The following MAT2A variants were observed in gnomAD, a reference collection of about 807,000 sequenced individuals.
The protein encoded by MAT2A is methionine adenosyltransferase 2A.
A neutral mutation model predicts 43.9 loss-of-function variants in MAT2A; 3 were observed. The observed-to-expected ratio is 0.07, with a 90% CI of 0.03 to 0.18. The LOEUF (loss-of-function observed/expected upper bound fraction) is 0.18. MAT2A is among the 10% of genes least tolerant of loss of function. The probability of loss-of-function intolerance (pLI) is 1.00; values close to 1 mark genes in which losing one functional copy is unlikely to be tolerated. For missense variants in MAT2A, 204 were observed against 489.0 expected (o/e 0.42, Z 5.50); for synonymous variants, 200 against 168.4 (o/e 1.19, Z -1.45).
In MAT2A at chr2:85,544,989, C is replaced by T. The variant is rs538854890; in HGVS notation, c.*1217C>T. 1 of 152,292 alleles carries T rather than the reference C, an allele frequency of 6.6e-6. No homozygotes were observed. Among genetic ancestry groups the T allele is most frequent in the South Asian group, 2.1e-4 (1 of 4,814 alleles). The allele number at this position is 152,292 out of a possible 1,614,324, so 9.4% of individuals were successfully genotyped here. A position where few individuals can be genotyped will look rare whatever the true frequency, so the allele number is the denominator to read the frequency against. On this transcript the variant is annotated 3_prime_UTR_variant, in exon 9 of 9. Transcript: ENST00000306434. ...GATTCCTTTAACAACATGTTTCCAG[C>T]ATTCCCAGGTAGGCCAAGGTGTCCT...
In MAT2A at chr2:85,539,253, C is replaced by G. The variant is rs780678816; in HGVS notation, c.-35C>G. 161 of 1,518,686 alleles carry G rather than the reference C, an allele frequency of 1.1e-4. No homozygotes were observed. The highest frequency in any genetic ancestry group is 1.4e-4 in the Non-Finnish European group (150 of 1,104,642). 94.1% of individuals were successfully genotyped at this position (1,518,686 alleles called of 1,614,324 possible). On this transcript the variant is annotated 5_prime_UTR_variant, in exon 1 of 9. Coordinates refer to ENST00000306434, the MANE Select transcript of MAT2A (RefSeq NM_005911.6). ...CAGCCGCTGCCGCCTCGCCGCTGCT[C>G]CTTCGTAAGGCCACTTCCGCACACC... is the stretch of plus-strand genomic sequence containing the variant.
Position 85,541,391 on chromosome 2 carries a change from A to G in MAT2A, c.292+14A>G. On this transcript the variant is annotated intron_variant, in intron 3 of 8. Transcript: ENST00000306434. The stretch of plus-strand genomic sequence containing the variant: ...ATTCTTCCAAAGGTGTGTTTTAATG[A>G]TTTTGCTCATTTTTTTCTAGGTAAC... 6.2e-7 allele frequency: 1 copy of G among 1,604,920 alleles called. No individual in the cohort carries two copies. Among genetic ancestry groups the G allele is most frequent in the Admixed American group, 1.7e-5 (1 of 58,716 alleles).
intron 5 of MAT2A, 35 bp from the exon 6 acceptor site, chr2:85,542,120 G>A: frequency 1.3e-6 from 2 of 1,584,250 alleles, no homozygotes; most frequent in Non-Finnish European, 1.7e-6. Flanking sequence ...GTTATTGTTT[G>A]GTGTGATGTT....
At position 85,542,850 on chromosome 2, in the gene MAT2A, G is replaced by C. The variant is rs377461229; in HGVS notation, c.952-51G>C. On this transcript the variant is annotated intron_variant, in intron 7 of 8. Coordinates refer to ENST00000306434, the MANE Select transcript of MAT2A (RefSeq NM_005911.6). ...TGTTTTATACCAACGTATTATACAA[G>C]TATATGGGTCTTTGCAATCACTGAT... 13 of 1,593,058 alleles carry C rather than the reference G, an allele frequency of 8.2e-6. No individual in the cohort carries two copies. The East Asian group carries it at 2.7e-4, about 33-fold the overall frequency.
chr2:85,539,440 G>A, intron 1 of MAT2A, 62 bp downstream of exon 1: 1 of 1,358,076 alleles, frequency 7.4e-7, no homozygotes, highest in Non-Finnish European at 1.0e-6. Flanking sequence ...AGGTCCGGCT[G>A]GCTGCGGCCG....
Position 85,539,271 on chromosome 2 carries a change from C to T in MAT2A, c.-17C>T, listed in dbSNP as rs1436787885. 5 of 1,595,244 alleles carry T rather than the reference C, an allele frequency of 3.1e-6. No homozygotes were observed. Among genetic ancestry groups the T allele is most frequent in the Non-Finnish European group, 1.7e-6 (2 of 1,168,724 alleles). On this transcript the variant is annotated 5_prime_UTR_variant, in exon 1 of 9. Coordinates refer to ENST00000306434, the MANE Select transcript of MAT2A (RefSeq NM_005911.6). ...CGCTGCTCCTTCGTAAGGCCACTTC[C>T]GCACACCGACACCAACATGAACGGA...
In MAT2A at chr2:85,541,090, T is replaced by A; in HGVS notation, c.99T>A (p.Ile33=). 6.2e-7 allele frequency: 1 copy of A among 1,610,674 alleles called. No homozygotes were observed. The highest frequency in any genetic ancestry group is 1.3e-5 in the African/African-American group (1 of 74,952). ...ESVGEGHPDK[I]CDQISDAVLD... is the part of the protein sequence containing the mutation. ...GGAATTTCTCTTTTCCAGATAAGAT[T>A]TGTGACCAAATCAGTGATGCTGTCC... The change falls in exon 2 of 9, where the codon ATT becomes ATA. Residue 33 remains isoleucine, a synonymous_variant. Transcript: ENST00000306434.
In MAT2A at chr2:85,543,666, C is replaced by G; in HGVS notation, c.1086-4C>G. 6.3e-7 allele frequency: 1 copy of G among 1,577,942 alleles called. No homozygotes were observed. ...ATATTAAGTTACGGACTTGTATATTCCAGGGATCTGGATCTGAAGAAGCCA... is the reference window on the plus strand; with the variant it reads ...ATATTAAGTTACGGACTTGTATATTGCAGGGATCTGGATCTGAAGAAGCCA... On this transcript the variant is annotated splice_polypyrimidine_tract_variant and splice_region_variant and intron_variant, in intron 8 of 8. Coordinates refer to ENST00000306434, the MANE Select transcript of MAT2A (RefSeq NM_005911.6).
At chr2:85,540,267 C>T (rs1339051023) in intron 1 of MAT2A, among the ~76,000 whole-genome samples, 2 of 152,192 alleles carry the variant, frequency 1.3e-5, no homozygotes, top group African/African-American at 2.4e-5. Context: ...GATTATTTGG[C>T]TCTTTTGGCT....
chr2:85,541,023 A>G (rs748918148), intron 1 of MAT2A, 60 bp from the exon 2 acceptor site: 6 of 1,083,766 alleles, frequency 5.5e-6, no homozygotes, highest in Admixed American at 2.1e-5. Context: ...GAGCTTGCAT[A>G]CATACATACA....
rs1055438856 is a variant in MAT2A at position 85,542,702 on chromosome 2, A to G, written c.906A>G (p.Ala302=). Residue 302 remains alanine, a synonymous_variant, in exon 7 of 9, where the codon GCA becomes GCG. Coordinates refer to ENST00000306434, the MANE Select transcript of MAT2A (RefSeq NM_005911.6). ...RSAAYAARWV[A]KSLVKGGLCR... is the part of the protein sequence containing the mutation. ...CTGCTTATGCTGCTCGTTGGGTGGC[A>G]AAATCCCTTGTTAAAGGAGGTCTGT... The G allele has an allele frequency of 6.2e-7, 1 of 1,613,562 alleles. No homozygotes were observed. Among genetic ancestry groups the G allele is most frequent in the African/African-American group, 1.3e-5 (1 of 75,012 alleles).
chr2:85,539,755 C>T (rs760718203), intron 1 of MAT2A: 1 of 160,882 alleles, frequency 6.2e-6, no homozygotes, highest in Non-Finnish European at 1.4e-5. Flanking sequence ...CGACCCGCCC[C>T]GCGTGCTCGC....
chr2:85,540,015 C>T (rs1691425449), intron 1 of MAT2A: 1 of 152,324 alleles, frequency 6.6e-6, no homozygotes, highest in South Asian at 2.1e-4. Context: ...CGGCCTCTGA[C>T]TAAATATAGC....
rs1691514333 is a variant in MAT2A, at chr2:85,542,875, T to C, written c.952-26T>C. 1.9e-6 allele frequency: 3 copies of C among 1,605,446 alleles called. No homozygotes were observed. In the African/African-American group the frequency reaches 4.0e-5, roughly 22 times the overall value. ...GTATATGGGTCTTTGCAATCACTGATTCTTACGACATTTGAATCCTTTTAG... is the reference window on the plus strand; with the variant it reads ...GTATATGGGTCTTTGCAATCACTGACTCTTACGACATTTGAATCCTTTTAG... On this transcript the variant is annotated intron_variant, in intron 7 of 8. Transcript: ENST00000306434.
rs373480829 is a variant in MAT2A, at chr2:85,542,391, C to G, written c.768+18C>G. The G allele has an allele frequency of 1.4e-4, 218 of 1,607,082 alleles. No homozygotes were observed. The highest frequency in any genetic ancestry group is 1.7e-4 in the Non-Finnish European group (205 of 1,174,542). On this transcript the variant is annotated intron_variant, in intron 6 of 8. Coordinates refer to ENST00000306434, the MANE Select transcript of MAT2A (RefSeq NM_005911.6). ...GGCCTCAGGTAATGTCATTTTGTTG[C>G]ATTTTTCTGGATTTTTGATGGTTAC...
intron 1 of MAT2A, 81 bp downstream of exon 1, chr2:85,539,459 T>C (rs952403716): frequency 8.8e-7 from 1 of 1,139,798 alleles, no homozygotes; most frequent in Non-Finnish European, 1.2e-6. Flanking sequence ...CGGCCGGTGG[T>C]GGGGCCCGCG....
intron 8 of MAT2A, 112 bp from the exon 9 acceptor site, chr2:85,543,558 A>T (rs1388785629): frequency 1.5e-6 from 1 of 687,748 alleles, no homozygotes. Context: ...TTTTTTTCCT[A>T]GCATATCCCA....
chr2:85,539,640 A>G (rs766219113), intron 1 of MAT2A: 4 of 343,052 alleles, frequency 1.2e-5, no homozygotes, highest in Non-Finnish European at 1.6e-5. Flanking sequence ...GGAAGGTTCC[A>G]GAAAACGTGA....
chr2:85,542,636 T>C lies in MAT2A; in HGVS notation c.840T>C (p.Gly280=), dbSNP rs748623458. 7.4e-6 allele frequency: 12 copies of C among 1,613,722 alleles called. No individual in the cohort carries two copies. The Admixed American group carries it at 1.8e-4, about 25-fold the overall frequency. Residue 280 remains glycine (G), a synonymous_variant, in exon 7 of 9, where the codon GGT becomes GGC. Transcript: ENST00000306434. ...GCGGTTGGGGTGCTCATGGAGGAGG[T>C]GCCTTTTCAGGAAAGGATTATACCA... ...TYGGWGAHGG[G]AFSGKDYTKV...
Sources: allele counts gnomAD v4.1 joint callset (sites outside exome capture counted in the v4.1 genomes callset), GRCh38; gene constraint gnomAD v4.1.1; transcripts MANE v1.5; gene names NCBI Gene and HGNC (gene_info 2026-07-23, HGNC 2026-07-21).